FANCM: variants seen among roughly 807,000 people sequenced by gnomAD.
FANCM encodes the protein FA complementation group M.
A neutral mutation model predicts 199.5 loss-of-function variants in FANCM; 140 were observed. The observed-to-expected ratio is 0.70, with a 90% CI of 0.61 to 0.81. The LOEUF (loss-of-function observed/expected upper bound fraction) is 0.81, where lower values mean the gene tolerates loss of function less well. Among genes scored for constraint, FANCM ranks in the 30% least tolerant of loss-of-function variants. The pLI is 0.00. For missense variants in FANCM, 2,410 were observed against 2,421.4 expected (o/e 1.00, Z 0.10); for synonymous variants, 840 against 836.8 (o/e 1.00, Z -0.07).
At chr14:45,195,412 C>T in intron 20 of FANCM, 9 of 404,228 alleles carry the variant, frequency 2.2e-5, no homozygotes, top group Admixed American at 5.9e-5. Context: ...TTTTTCCTTT[C>T]TGTTTTTATG....
intron 8 of FANCM, among the ~76,000 whole-genome samples, chr14:45,158,258 A>G (rs527353634): frequency 1.1e-4 from 17 of 152,282 alleles, no homozygotes; most frequent in Non-Finnish European, 1.9e-4. Context: ...CAATTACTAT[A>G]TGTGCAAAAC....
chr14:45,172,915 C>T, intron 12 of FANCM, 140 bp from the exon 13 acceptor site: 5 of 643,116 alleles, frequency 7.8e-6, no homozygotes, highest in Admixed American at 2.8e-5. Context: ...TTCTTTTTTT[C>T]TTCTGAGATT....
At chr14:45,158,797 T>G (rs1887373595) in intron 8 of FANCM, among the ~76,000 whole-genome samples, 3 of 152,168 alleles carry the variant, frequency 2.0e-5, no homozygotes, top group Admixed American at 6.5e-5. Context: ...GAATATAGTT[T>G]AAAAAATTTC....
intron 8 of FANCM, among the ~76,000 whole-genome samples, chr14:45,158,550 G>A (rs1252740119): frequency 6.6e-6 from 1 of 152,068 alleles, no homozygotes; most frequent in Non-Finnish European, 1.5e-5. Flanking sequence ...AGAATGCATG[G>A]CTTGGATTAA....
chr14:45,175,082 C>T lies in FANCM; in HGVS notation c.2328C>T (p.Ser776=). The T allele has an allele frequency of 6.2e-7, 1 of 1,606,076 alleles. No individual in the cohort carries two copies. Among genetic ancestry groups the T allele is most frequent in the Non-Finnish European group, 8.5e-7 (1 of 1,173,574 alleles). Reference sequence around the variant, plus strand: ...TTCCTTATTTATAGGGAGAATGCAGCTATGAATTGGAAGTTGAATCTTATT... The same window carrying T: ...TTCCTTATTTATAGGGAGAATGCAGTTATGAATTGGAAGTTGAATCTTATT... The part of the protein sequence containing the change: ...EGMRHEEGEC[S]YELEVESYLQ... Residue 776 remains serine, a synonymous_variant, in exon 14 of 23, where the codon AGC becomes AGT. Transcript: ENST00000267430.
intron 20 of FANCM, among the ~76,000 whole-genome samples, chr14:45,192,843 A>G (rs1057151185): frequency 9.9e-5 from 15 of 152,002 alleles, no homozygotes; most frequent in Non-Finnish European, 1.9e-4. Flanking sequence ...AAAAAAATTA[A>G]AAAAAAATTT....
chr14:45,189,385 ATATCTT>A, intron 20 of FANCM, 23 bp downstream of exon 20: 1 of 1,507,518 alleles, frequency 6.6e-7, no homozygotes, highest in Non-Finnish European at 9.2e-7. Flanking sequence ...GAAAGGAAAA[ATATCTT>A]TAGATGGTTA....
intron 14 of FANCM, among the ~76,000 whole-genome samples, chr14:45,178,062 C>A (rs1888827111): frequency 2.0e-5 from 3 of 152,228 alleles, no homozygotes; most frequent in Non-Finnish European, 2.9e-5. Context: ...GAATTTTACT[C>A]CTTATGTTAA....
At chr14:45,150,586 C>T (rs77142566) in intron 4 of FANCM, among the ~76,000 whole-genome samples, 13,768 of 152,174 alleles carry the variant, frequency 0.09, 764 homozygotes, top group South Asian at 0.18. Context: ...TTTGCTGTCT[C>T]CTCTCTCTGG....
chr14:45,199,209 T>G (rs1410039196), intron 22 of FANCM, among the ~76,000 whole-genome samples: 1 of 152,232 alleles, frequency 6.6e-6, no homozygotes, highest in African/African-American at 2.4e-5. Context: ...CCTTTGACCT[T>G]GCAATCTAAC....
chr14:45,176,135 C>T lies in FANCM; in HGVS notation c.3381C>T (p.Ser1127=), dbSNP rs773278141. The T allele has an allele frequency of 1.9e-6, 3 of 1,613,908 alleles. No individual in the cohort carries two copies. The highest frequency in any genetic ancestry group is 2.7e-5 in the African/African-American group (2 of 75,024). Residue 1127 remains serine (S), a synonymous_variant, in exon 14 of 23, where the codon TCC becomes TCT. Coordinates refer to ENST00000267430, the MANE Select transcript of FANCM (RefSeq NM_020937.4). The part of the protein sequence containing the change: ...DVDNSDLPVL[S]TDQDESLLLF... ...ATAACAGTGACCTCCCAGTATTGTC[C>T]ACTGATCAAGATGAAAGTTTGCTGT...
intron 12 of FANCM, among the ~76,000 whole-genome samples, chr14:45,170,987 G>A (rs1037014253): frequency 2.6e-5 from 4 of 151,222 alleles, no homozygotes; most frequent in Non-Finnish European, 5.9e-5. Flanking sequence ...TTAACCAACT[G>A]TGATATTTTT....
chr14:45,155,931 AAGGGCT>A (rs1294880686), intron 8 of FANCM, among the ~76,000 whole-genome samples: 1 of 152,206 alleles, frequency 6.6e-6, no homozygotes, highest in East Asian at 1.9e-4. Flanking sequence ...GAAATTTTGG[AAGGGCT>A]AGGGCAAGGG....
At chr14:45,153,829 T>A in intron 5 of FANCM, 91 bp from the exon 6 acceptor site, 1 of 951,704 alleles carries the variant, frequency 1.1e-6, no homozygotes, top group Non-Finnish European at 1.7e-6. Flanking sequence ...ATATTATAAA[T>A]GTTACACTGA....
chr14:45,165,375 GTC>G (rs1044527307), intron 10 of FANCM, among the ~76,000 whole-genome samples: 9 of 152,008 alleles, frequency 5.9e-5, no homozygotes, highest in Non-Finnish European at 8.8e-5. Context: ...GTGAAACCCC[GTC>G]TCTACTAAAA....
At position 45,200,505 on chromosome 14, in the gene FANCM, C is replaced by T. The variant is rs1251389505; in HGVS notation, c.*497C>T. 3 of 153,388 alleles carry T rather than the reference C, an allele frequency of 2.0e-5. No individual in the cohort carries two copies. In the East Asian group the frequency reaches 5.7e-4, roughly 29 times the overall value. 9.5% of individuals were successfully genotyped at this position (153,388 alleles called of 1,614,324 possible). ...ACCCAGTAACTAGGAAAGTAGAAAA[C>T]TTAACTGAATGTTTATCTGACCAAA... On this transcript the variant is annotated 3_prime_UTR_variant, in exon 23 of 23. Coordinates refer to ENST00000267430, the MANE Select transcript of FANCM (RefSeq NM_020937.4).
At chr14:45,190,900 A>G (rs1195119029) in intron 20 of FANCM, among the ~76,000 whole-genome samples, 2 of 152,140 alleles carry the variant, frequency 1.3e-5, no homozygotes, top group Non-Finnish European at 2.9e-5. Flanking sequence ...TGTGTTGCTT[A>G]GGCTGGATTA....
chr14:45,184,976 TTCACCATGTTAG>T (rs1235560970), intron 17 of FANCM, among the ~76,000 whole-genome samples: 1 of 151,646 alleles, frequency 6.6e-6, no homozygotes, highest in Non-Finnish European at 1.5e-5. Context: ...AAGATGGGGT[TTCACCATGTTAG>T]TCAGGCTGGC....
chr14:45,173,056 C>T lies in FANCM; in HGVS notation c.2162C>T (p.Ala721Val), dbSNP rs1479368252. The change falls in exon 13 of 23, where the codon GCT (alanine) becomes GTT (valine). Residue 721 changes from alanine (A) to valine (V), a missense_variant and splice_region_variant. Coordinates refer to ENST00000267430, the MANE Select transcript of FANCM (RefSeq NM_020937.4). Reference protein sequence around the residue: ...SSLQNEENKPAQESTTGIHQL... With the variant: ...SSLQNEENKPVQESTTGIHQL... ...TTTATTACTTTTTAAATAATTAAGG[C>T]TCAAGAATCAACCACTGGAATTCAT... The T allele has an allele frequency of 6.2e-7, 1 of 1,602,346 alleles. No homozygotes were observed.
Sources: allele counts gnomAD v4.1 joint callset (sites outside exome capture counted in the v4.1 genomes callset), GRCh38; gene constraint gnomAD v4.1.1; transcripts MANE v1.5; gene names NCBI Gene and HGNC (gene_info 2026-07-23, HGNC 2026-07-21).